ZNF506: variants seen among roughly 807,000 people sequenced by gnomAD.
The protein encoded by ZNF506 is zinc finger protein 506.
A neutral mutation model predicts 11.6 loss-of-function variants in ZNF506; 10 were observed. That is an observed-to-expected ratio of 0.86 (90% CI 0.53 to 1.46). ZNF506 has a LOEUF of 1.46. Ranked by LOEUF, ZNF506 falls within the 40% of genes most tolerant of loss-of-function variation. The pLI, the probability that ZNF506 is intolerant of heterozygous loss-of-function variation, is 0.00. For synonymous variants in ZNF506, 156 were observed against 173.3 expected (o/e 0.90, Z 0.78); for missense variants, 425 against 521.2 (o/e 0.82, Z 1.80).
chr19:19,814,670 A>G (rs1191063351), intron 1 of ZNF506, among the ~76,000 whole-genome samples: 1 of 151,838 alleles, frequency 6.6e-6, no homozygotes, highest in Non-Finnish European at 1.5e-5. Flanking sequence ...TAACAAACCT[A>G]CATGTGTACC....
chr19:19,821,579 G>A, intron 1 of ZNF506, 22 bp downstream of exon 1: 1 of 1,614,044 alleles, frequency 6.2e-7, no homozygotes, highest in Non-Finnish European at 8.5e-7. Context: ...CCTCTCTCGG[G>A]ATGTCGAACT....
In ZNF506 at chr19:19,821,713, A is replaced by G; in HGVS notation, c.-110T>C. On this transcript the variant is annotated 5_prime_UTR_variant, in exon 1 of 4. Coordinates refer to ENST00000540806, the MANE Select transcript of ZNF506 (RefSeq NM_001099269.3). ...AGGAGCTGACGGCACAGAGCAGTGA[A>G]GACGATAGCTGGATCTCTGGCGTCA... 7.2e-7 allele frequency: 1 copy of G among 1,393,410 alleles called. No homozygotes were observed. The highest frequency in any genetic ancestry group is 1.0e-6 in the Non-Finnish European group (1 of 982,682). 86.3% of individuals were successfully genotyped at this position (1,393,410 alleles called of 1,614,324 possible). A position where few individuals can be genotyped will look rare whatever the true frequency, so the allele number is the denominator to read the frequency against.
chr19:19,795,973 T>C, intron 3 of ZNF506: 1 of 327,082 alleles, frequency 3.1e-6, no homozygotes, highest in Non-Finnish European at 5.9e-6. Flanking sequence ...CTCTCCAGTA[T>C]AACATTGTGC....
At chr19:19,811,942 T>C (rs528870846) in intron 1 of ZNF506, among the ~76,000 whole-genome samples, 3 of 152,162 alleles carry the variant, frequency 2.0e-5, no homozygotes, top group East Asian at 3.9e-4. Flanking sequence ...AATTCAATTA[T>C]TTATCCAGCT....
intron 1 of ZNF506, 61 bp from the exon 2 acceptor site, chr19:19,807,129 CT>C (rs2062841910): frequency 6.2e-7 from 1 of 1,606,342 alleles, no homozygotes; most frequent in South Asian, 1.1e-5. Context: ...TTTAATTTGA[CT>C]TCAGGTGAAA....
chr19:19,793,672 C>T lies in ZNF506; in HGVS notation c.*880G>A, dbSNP rs2062713035. 6.6e-6 allele frequency among the ~76,000 whole-genome samples: 1 copy of T among 152,186 alleles called. No homozygotes were observed. Among genetic ancestry groups the T allele is most frequent in the Non-Finnish European group, 1.5e-5 (1 of 68,044 alleles). ...ATTGCTTTTATTAACTATGAACCTTCTGTTGAGATGTGAGTGGGCGTTAAT... is the reference window on the plus strand; with the variant it reads ...ATTGCTTTTATTAACTATGAACCTTTTGTTGAGATGTGAGTGGGCGTTAAT... On this transcript the variant is annotated 3_prime_UTR_variant, in exon 4 of 4. Transcript: ENST00000540806.
chr19:19,799,420 A>G, intron 3 of ZNF506: 1 of 671,016 alleles, frequency 1.5e-6, no homozygotes, highest in Non-Finnish European at 2.7e-6. Flanking sequence ...CCTTCTCAAT[A>G]GCTCATAAAA....
At chr19:19,816,524 A>AT (rs1376234756) in intron 1 of ZNF506, among the ~76,000 whole-genome samples, 3 of 151,866 alleles carry the variant, frequency 2.0e-5, no homozygotes, top group Admixed American at 6.6e-5. Flanking sequence ...CGCCTGGCTA[A>AT]TTTTTTTGTA....
At chr19:19,806,703 A>C (rs1318079325) in intron 2 of ZNF506, among the ~76,000 whole-genome samples, 1 of 152,192 alleles carries the variant, frequency 6.6e-6, no homozygotes, top group Non-Finnish European at 1.5e-5. Flanking sequence ...AAATTTTTGG[A>C]ATTACCACTA....
intron 1 of ZNF506, among the ~76,000 whole-genome samples, chr19:19,815,564 C>T (rs1173161818): frequency 6.6e-6 from 1 of 152,226 alleles, no homozygotes; most frequent in Non-Finnish European, 1.5e-5. Flanking sequence ...TTATTCCAGG[C>T]CAGGCCTCCG....
At chr19:19,812,221 G>C (rs374214885) in intron 1 of ZNF506, among the ~76,000 whole-genome samples, 2 of 152,342 alleles carry the variant, frequency 1.3e-5, no homozygotes, top group African/African-American at 4.8e-5. Flanking sequence ...CTGTCAGCCT[G>C]ACACAATTCT....
rs909444997 is a variant in ZNF506 at position 19,800,356 on chromosome 19, CATAAT to C, written c.227-4701_227-4697del. On this transcript the variant is annotated intron_variant, in intron 3 of 3. Transcript: ENST00000540806. ...ATAAAAATATTCTAGTGATATGTTGCATAATATGTCAACATAATTAATATAACTAA... is the reference window on the plus strand; with the variant it reads ...ATAAAAATATTCTAGTGATATGTTGCATGTCAACATAATTAATATAACTAA... 4.9e-4 allele frequency among the ~76,000 whole-genome samples: 68 copies of C among 139,630 alleles called. 2 individuals are homozygous for C. Among genetic ancestry groups the C allele is most frequent in the African/African-American group, 1.4e-3 (56 of 38,786 alleles). The allele number at this position is 139,630 out of a possible 152,430, so 91.6% of individuals were successfully genotyped here.
intron 3 of ZNF506, among the ~76,000 whole-genome samples, chr19:19,802,499 T>A (rs73008616): frequency 0.065 from 9,790 of 151,636 alleles, 441 homozygotes; most frequent in Admixed American, 0.12. Flanking sequence ...ATATATATAT[T>A]TTGCAGAATA....
intron 1 of ZNF506, among the ~76,000 whole-genome samples, chr19:19,811,784 T>TA (rs911331533): frequency 4.6e-5 from 7 of 151,634 alleles, no homozygotes; most frequent in South Asian, 2.1e-4. Flanking sequence ...CTCAAAAATA[T>TA]AAAAAAAAGG....
intron 3 of ZNF506, among the ~76,000 whole-genome samples, chr19:19,805,007 A>G (rs1411676536): frequency 6.6e-6 from 1 of 152,092 alleles, no homozygotes; most frequent in African/African-American, 2.4e-5. Flanking sequence ...GGGTGCAGCA[A>G]ACCAACATGG....
chr19:19,817,846 T>TTTTTTTTTTTTC (rs2062945202), intron 1 of ZNF506, among the ~76,000 whole-genome samples: 1 of 151,422 alleles, frequency 6.6e-6, no homozygotes, highest in African/African-American at 2.4e-5. Flanking sequence ...TTTTTTTTTT[T>TTTTTTTTTTTTC]TTGAGACGGT....
chr19:19,810,741 T>C (rs931343983), intron 1 of ZNF506, among the ~76,000 whole-genome samples: 10 of 152,124 alleles, frequency 6.6e-5, no homozygotes, highest in Non-Finnish European at 1.3e-4. Context: ...TCTGCAAGCA[T>C]TGGTTTTAAT....
chr19:19,794,345 T>C lies in ZNF506; in HGVS notation c.*207A>G, dbSNP rs2062719400. 2.0e-6 allele frequency: 1 copy of C among 505,144 alleles called. No homozygotes were observed. The highest frequency in any genetic ancestry group is 3.4e-6 in the Non-Finnish European group (1 of 294,256). 31.3% of individuals were successfully genotyped at this position (505,144 alleles called of 1,614,324 possible). A position where few individuals can be genotyped will look rare whatever the true frequency, so the allele number is the denominator to read the frequency against. On this transcript the variant is annotated 3_prime_UTR_variant, in exon 4 of 4. Transcript: ENST00000540806. ...AAAGAGTTGACAGGTTGTTATAGGC[T>C]TTGCCATATTCTTCACACTTGTAGG...
intron 3 of ZNF506, 32 bp from the exon 4 acceptor site, chr19:19,795,692 A>G: frequency 6.8e-7 from 1 of 1,477,162 alleles, no homozygotes; most frequent in Non-Finnish European, 9.0e-7. Context: ...CATGACTTCA[A>G]TTGCTAGACT....
Sources: allele counts gnomAD v4.1 joint callset (sites outside exome capture counted in the v4.1 genomes callset), GRCh38; gene constraint gnomAD v4.1.1; transcripts MANE v1.5; gene names NCBI Gene and HGNC (gene_info 2026-07-23, HGNC 2026-07-21).